Variants in ANO10 observed in about 807,000 individuals in gnomAD.
ANO10 encodes the protein anoctamin 10, also known as anoctamin-10.
In ANO10, 77 loss-of-function variants were observed where a neutral mutation model predicts 74.7. The observed-to-expected ratio is 1.03, with a 90% CI of 0.86 to 1.25. The LOEUF is 1.25. Among genes scored for constraint, ANO10 ranks in the 50% most tolerant of loss-of-function variants. ANO10 has a pLI of 0.00. For synonymous variants in ANO10, 279 were observed against 284.9 expected (o/e 0.98, Z 0.21); for missense variants, 721 against 778.1 (o/e 0.93, Z 0.87).
intron 1 of ANO10, among the ~76,000 whole-genome samples, chr3:43,632,468 C>T (rs934511839): frequency 3.9e-5 from 6 of 152,284 alleles, no homozygotes; most frequent in Admixed American, 2.0e-4. Flanking sequence ...GGAGTAACTG[C>T]TTCCGCTCCT....
At chr3:43,503,284 A>G (rs1302672464) in intron 11 of ANO10, among the ~76,000 whole-genome samples, 1 of 152,072 alleles carries the variant, frequency 6.6e-6, no homozygotes, top group East Asian at 1.9e-4. Context: ...GGTTTAAAAC[A>G]CCTTTAAATA....
chr3:43,485,343 C>A (rs2076435375), intron 11 of ANO10: 3 of 501,008 alleles, frequency 6.0e-6, no homozygotes, highest in East Asian at 4.1e-5. Context: ...CCGCTGTGCT[C>A]CCCATCCAGG....
intron 4 of ANO10, among the ~76,000 whole-genome samples, chr3:43,587,134 A>G (rs1443784691): frequency 6.6e-6 from 1 of 152,256 alleles, no homozygotes; most frequent in Non-Finnish European, 1.5e-5. Flanking sequence ...AATAACGTCA[A>G]GACATATGCA....
intron 1 of ANO10, among the ~76,000 whole-genome samples, chr3:43,638,415 C>G (rs943546132): frequency 3.9e-5 from 6 of 152,064 alleles, no homozygotes; most frequent in African/African-American, 1.2e-4. Context: ...AAGCATGTGT[C>G]ATTTCACTGG....
rs747996742 is a variant in ANO10 at position 43,600,571 on chromosome 3, C to T, written c.150G>A (p.Leu50=). 2 of 1,610,516 alleles carry T rather than the reference C, an allele frequency of 1.2e-6. No homozygotes were observed. The highest frequency in any genetic ancestry group is 2.2e-5 in the South Asian group (2 of 90,980). The change falls in exon 3 of 13, where the codon TTG becomes TTA. Residue 50 remains leucine (L), a synonymous_variant. Coordinates refer to ENST00000292246, the MANE Select transcript of ANO10 (RefSeq NM_018075.5). ...ATTTATTTAACAATGGTCTAAACAA[C>T]AACTGGGCACCTTCAAAAACAAAAG... is the stretch of plus-strand genomic sequence containing the variant. ...IAKKKDGGAQ[L]LFRPLLNKYE...
chr3:43,541,670 GTTAC>G lies in ANO10; in HGVS notation c.1797+8046_1797+8049del, dbSNP rs1305816554. Among the ~76,000 whole-genome samples the G allele has an allele frequency of 5.3e-5, 8 of 152,084 alleles. 1 individual carries two copies. Among genetic ancestry groups the G allele is most frequent in the Admixed American group, 5.2e-4 (8 of 15,278 alleles). On this transcript the variant is annotated intron_variant, in intron 11 of 12. Coordinates refer to ENST00000292246, the MANE Select transcript of ANO10 (RefSeq NM_018075.5). Reference sequence around the variant, plus strand: ...TTAATTAATAAACGTTTAACAAGCAGTTACTTAATCACTTGAAAACAAAGAGTTA... The same window carrying G: ...TTAATTAATAAACGTTTAACAAGCAGTTAATCACTTGAAAACAAAGAGTTA...
intron 5 of ANO10, among the ~76,000 whole-genome samples, chr3:43,578,578 C>T (rs924353475): frequency 5.9e-5 from 9 of 151,998 alleles, no homozygotes; most frequent in Admixed American, 3.3e-4. Flanking sequence ...GGGGAAACCC[C>T]GTCTCTACCA....
chr3:43,450,242 G>A (rs1352543176), intron 11 of ANO10, among the ~76,000 whole-genome samples: 1 of 152,046 alleles, frequency 6.6e-6, no homozygotes, highest in East Asian at 1.9e-4. Flanking sequence ...CCTGACGGCT[G>A]TGAAAAATTA....
At chr3:43,531,799 G>A (rs1342569334) in intron 11 of ANO10, among the ~76,000 whole-genome samples, 6 of 152,020 alleles carry the variant, frequency 3.9e-5, no homozygotes, top group African/African-American at 1.5e-4. Flanking sequence ...GGAGGCTGAG[G>A]CAGGAGGATC....
intron 10 of ANO10, among the ~76,000 whole-genome samples, chr3:43,553,578 T>A (rs1250106740): frequency 6.7e-6 from 1 of 150,198 alleles, no homozygotes; most frequent in Admixed American, 6.7e-5. Flanking sequence ...ACACTGTTGC[T>A]CGGGCTGGAG....
chr3:43,419,785 G>A (rs1055052054), intron 12 of ANO10, among the ~76,000 whole-genome samples: 4 of 152,064 alleles, frequency 2.6e-5, no homozygotes, highest in Non-Finnish European at 5.9e-5. Context: ...CAAAGTGCTG[G>A]GATGACAGGC....
At chr3:43,503,125 A>G (rs1321733890) in intron 11 of ANO10, among the ~76,000 whole-genome samples, 1 of 152,216 alleles carries the variant, frequency 6.6e-6, no homozygotes, top group African/African-American at 2.4e-5. Flanking sequence ...ACTGGGAAAA[A>G]AGAAAAAATG....
At chr3:43,617,741 T>A (rs1019646221) in intron 1 of ANO10, among the ~76,000 whole-genome samples, 7 of 151,224 alleles carry the variant, frequency 4.6e-5, no homozygotes, top group Non-Finnish European at 1.0e-4. Context: ...AAAAAAAAAG[T>A]CAATGGAATT....
chr3:43,391,749 G>A (rs1388760309), intron 12 of ANO10, among the ~76,000 whole-genome samples: 2 of 152,194 alleles, frequency 1.3e-5, no homozygotes, highest in Admixed American at 1.3e-4. Flanking sequence ...GCAGCCAGGG[G>A]AGTGAGCCTG....
intron 2 of ANO10, among the ~76,000 whole-genome samples, 197 bp downstream of exon 2, chr3:43,605,517 G>A (rs1006791221): frequency 1.4e-4 from 21 of 152,182 alleles, no homozygotes; most frequent in Non-Finnish European, 2.5e-4. Flanking sequence ...AAAGCCTCCT[G>A]TTGATTTAGG....
At chr3:43,600,050 ATAAT>A (rs1164772728) in intron 3 of ANO10, among the ~76,000 whole-genome samples, 2 of 152,290 alleles carry the variant, frequency 1.3e-5, no homozygotes, top group Non-Finnish European at 2.9e-5. Context: ...TTAGAATAGA[ATAAT>A]ATAAGTAAGT....
At chr3:43,395,771 C>CAAA (rs35046151) in intron 12 of ANO10, among the ~76,000 whole-genome samples, 2 of 138,590 alleles carry the variant, frequency 1.4e-5, no homozygotes, top group Admixed American at 7.1e-5. Flanking sequence ...TCAACTTCTA[C>CAAA]AAAAAAAAAA....
At chr3:43,474,444 C>T (rs2075989683) in intron 11 of ANO10, among the ~76,000 whole-genome samples, 1 of 152,140 alleles carries the variant, frequency 6.6e-6, no homozygotes, top group East Asian at 1.9e-4. Context: ...TAAACTAAAA[C>T]AATCTCTCCT....
intron 12 of ANO10, among the ~76,000 whole-genome samples, chr3:43,408,165 C>G (rs1416699921): frequency 6.6e-6 from 1 of 152,158 alleles, no homozygotes; most frequent in Non-Finnish European, 1.5e-5. Context: ...GTCTAGATAT[C>G]ATGTGGAGTC....
Sources: gnomAD v4.1 joint callset for allele counts (sites outside exome capture counted in the v4.1 genomes callset) on GRCh38, gnomAD v4.1.1 for gene constraint, MANE v1.5 for transcripts, NCBI Gene and HGNC (gene_info 2026-07-23, HGNC 2026-07-21) for gene names.